RIPK1: variants seen among roughly 807,000 people sequenced by gnomAD.
RIPK1 encodes receptor interacting serine/threonine kinase 1.
RIPK1 carries 27 observed loss-of-function variants against 62.4 expected under a neutral mutation model. The ratio of observed to expected loss-of-function variants is 0.43; its 90% CI spans 0.32 to 0.60. RIPK1 has a LOEUF of 0.60. Ranked by LOEUF, RIPK1 falls within the 20% of genes least tolerant of loss-of-function variation. The probability of loss-of-function intolerance (pLI) is 0.07; values close to 1 mark genes in which losing one functional copy is unlikely to be tolerated. For synonymous variants in RIPK1, 287 were observed against 303.2 expected, an observed-to-expected ratio of 0.95 and a Z score of 0.55; for missense variants, 735 against 831.0, an observed-to-expected ratio of 0.88 and a Z score of 1.42.
At chr6:3,070,243 G>T (rs973361897) in intron 1 of RIPK1, among the ~76,000 whole-genome samples, 4 of 152,164 alleles carry the variant, frequency 2.6e-5, no homozygotes, top group Non-Finnish European at 5.9e-5. Context: ...CTCTTAAACA[G>T]CCTCTTTCAA....
chr6:3,099,482 T>G (rs1437902138), intron 7 of RIPK1, among the ~76,000 whole-genome samples: 1 of 152,210 alleles, frequency 6.6e-6, no homozygotes, highest in African/African-American at 2.4e-5. Context: ...AGGCGGAGCT[T>G]GCAGTGAGCC....
chr6:3,078,506 CTCTGCAATCT>C (rs1221411765), intron 3 of RIPK1, among the ~76,000 whole-genome samples: 1 of 152,194 alleles, frequency 6.6e-6, no homozygotes, highest in Non-Finnish European at 1.5e-5. Flanking sequence ...CTGTCCGCTG[CTCTGCAATCT>C]ACAGTTCAGA....
At chr6:3,082,999 T>G in intron 4 of RIPK1, 86 bp from the exon 5 acceptor site, 2 of 1,335,678 alleles carry the variant, frequency 1.5e-6, no homozygotes, top group South Asian at 2.5e-5. Flanking sequence ...ACCTTATGTA[T>G]AATGGATAAG....
chr6:3,076,694 A>AC, intron 1 of RIPK1, 70 bp from the exon 2 acceptor site: 4 of 224,562 alleles, frequency 1.8e-5, no homozygotes, highest in Admixed American at 1.6e-4. Flanking sequence ...GGAGAAAAAA[A>AC]AAAACATATA....
chr6:3,077,676 C>T (rs1440288884), intron 2 of RIPK1, 103 bp from the exon 3 acceptor site: 8 of 1,326,792 alleles, frequency 6.0e-6, no homozygotes, highest in African/African-American at 1.5e-5. Flanking sequence ...GGTACAGACC[C>T]AAGCATGACC....
rs970061602 is a variant in RIPK1, at chr6:3,072,777, G to A, written c.-60-3987G>A. Among the ~76,000 whole-genome samples, 2 of 152,232 alleles carry A rather than the reference G, an allele frequency of 1.3e-5. No homozygotes were observed. Among genetic ancestry groups the A allele is most frequent in the African/African-American group, 2.4e-5 (1 of 41,460 alleles). On this transcript the variant is annotated intron_variant, in intron 1 of 10. Coordinates refer to ENST00000259808, the MANE Select transcript of RIPK1 (RefSeq NM_001354930.2). This position sits in a 1 kb window ranked among gnomAD's most constrained non-coding sequence, Gnocchi z 5.6. The stretch of plus-strand genomic sequence containing the variant: ...CACCTAACCAGGCAAGAAGTTGGAA[G>A]AATATGGCCTAAGAGGGTGGGGCGG...
upstream of RIPK1, among the ~76,000 whole-genome samples, chr6:3,067,803 C>T (rs1169022356): frequency 2.0e-5 from 3 of 151,644 alleles, no homozygotes; most frequent in Non-Finnish European, 4.4e-5. Flanking sequence ...AGTGCAGTGG[C>T]GCGATCTCGG....
intron 1 of RIPK1, among the ~76,000 whole-genome samples, chr6:3,073,348 G>A (rs1159583061): frequency 2.6e-5 from 4 of 151,160 alleles, no homozygotes. Flanking sequence ...TACCACTTCT[G>A]TGAGGTGGTC....
chr6:3,099,272 C>T (rs762815692), intron 7 of RIPK1, among the ~76,000 whole-genome samples: 5 of 152,192 alleles, frequency 3.3e-5, no homozygotes, highest in African/African-American at 2.4e-5. Flanking sequence ...AGGCCGGGTG[C>T]GGTGGCTGAC....
At chr6:3,096,550 G>GTTTTTTT (rs112979664) in intron 7 of RIPK1, among the ~76,000 whole-genome samples, 3 of 98,450 alleles carry the variant, frequency 3.0e-5, no homozygotes, top group Non-Finnish European at 4.1e-5. Flanking sequence ...AATATCTCAA[G>GTTTTTTT]TTTTTTTTTT....
chr6:3,085,144 T>C (rs1671332058), intron 5 of RIPK1, 115 bp from the exon 6 acceptor site: 3 of 1,071,688 alleles, frequency 2.8e-6, no homozygotes, highest in African/African-American at 3.1e-5. Context: ...CATTCCACTC[T>C]ATGGAATGAG....
rs1474158553 is a variant in RIPK1, at chr6:3,077,951, C to CCGCA, written c.321+19_321+22dup. ...GAAAGCCGAGGTAGAGAGGGCCCCT[C>CCGCA]CGCACGGGGATCCCCAGCGCTTGGG... is the stretch of plus-strand genomic sequence containing the variant. On this transcript the variant is annotated intron_variant, in intron 3 of 10. Transcript: ENST00000259808. The CCGCA allele has an allele frequency of 2.5e-6, 4 of 1,612,600 alleles. No homozygotes were observed. The highest frequency in any genetic ancestry group is 3.4e-6 in the Non-Finnish European group (4 of 1,179,460).
At position 3,113,404 on chromosome 6, in the gene RIPK1, T is replaced by C. The variant is rs1473256018; in HGVS notation, c.*65T>C. The C allele has an allele frequency of 6.7e-7, 1 of 1,493,764 alleles. No individual in the cohort carries two copies. The highest frequency in any genetic ancestry group is 2.3e-5 in the East Asian group (1 of 43,132). The allele number at this position is 1,493,764 out of a possible 1,614,324, so 92.5% of individuals were successfully genotyped here. A position where few individuals can be genotyped will look rare whatever the true frequency, so the allele number is the denominator to read the frequency against. On this transcript the variant is annotated 3_prime_UTR_variant, in exon 11 of 11. Transcript: ENST00000259808. The surrounding 1 kb of genome is among the most constrained non-coding windows in gnomAD (Gnocchi z 5.0). ...TAGTGGATAACCCCAGAAAGTTGGCTGCCTCAGAGCATTCAGAATTCTGTC... is the reference window on the plus strand; with the variant it reads ...TAGTGGATAACCCCAGAAAGTTGGCCGCCTCAGAGCATTCAGAATTCTGTC...
intron 9 of RIPK1, among the ~76,000 whole-genome samples, chr6:3,107,805 G>A (rs561624237): frequency 3.9e-5 from 6 of 152,018 alleles, no homozygotes; most frequent in East Asian, 3.9e-4. Flanking sequence ...TTTTCACCTC[G>A]TTCTGGTTCC....
In RIPK1 at chr6:3,105,537, G is replaced by C. The variant is rs1471893513; in HGVS notation, c.1062G>C (p.Val354=). ...CCCAGGGACTTGGGATGGGTCCTGT[G>C]GAGGAGTCCTGGTTTGCTCCTTCCC... ...HSSQGLGMGP[V]EESWFAPSLE... The change falls in exon 9 of 11, where the codon GTG becomes GTC. Residue 354 remains valine (V), a synonymous_variant. Transcript: ENST00000259808. The surrounding 1 kb of genome is among the most constrained non-coding windows in gnomAD (Gnocchi z 4.5). 1.9e-6 allele frequency: 3 copies of C among 1,603,386 alleles called. No individual in the cohort carries two copies. Among genetic ancestry groups the C allele is most frequent in the Non-Finnish European group, 1.7e-6 (2 of 1,175,044 alleles).
intron 6 of RIPK1, among the ~76,000 whole-genome samples, chr6:3,088,324 G>A (rs931450599): frequency 6.6e-6 from 1 of 152,118 alleles, no homozygotes; most frequent in Non-Finnish European, 1.5e-5. Context: ...GAGTCCACAC[G>A]GTCCCCACTG....
Position 3,113,415 on chromosome 6 carries a change from A to C in RIPK1, c.*76A>C. 7.1e-7 allele frequency: 1 copy of C among 1,413,858 alleles called. No homozygotes were observed. Among genetic ancestry groups the C allele is most frequent in the East Asian group, 2.4e-5 (1 of 42,042 alleles). 87.6% of individuals were successfully genotyped at this position (1,413,858 alleles called of 1,614,324 possible). A position where few individuals can be genotyped will look rare whatever the true frequency, so the allele number is the denominator to read the frequency against. On this transcript the variant is annotated 3_prime_UTR_variant, in exon 11 of 11. Transcript: ENST00000259808. The surrounding 1 kb of genome is among the most constrained non-coding windows in gnomAD (Gnocchi z 5.0). ...CCCAGAAAGTTGGCTGCCTCAGAGCATTCAGAATTCTGTCCTCACTGATAG... is the reference window on the plus strand; with the variant it reads ...CCCAGAAAGTTGGCTGCCTCAGAGCCTTCAGAATTCTGTCCTCACTGATAG...
intron 6 of RIPK1, among the ~76,000 whole-genome samples, chr6:3,089,235 A>G (rs572626707): frequency 6.6e-6 from 1 of 152,312 alleles, no homozygotes; most frequent in African/African-American, 2.4e-5. Context: ...CATAAATTTG[A>G]TGCCAGAGGA....
intron 9 of RIPK1, among the ~76,000 whole-genome samples, chr6:3,109,038 G>C (rs1179182135): frequency 1.3e-5 from 2 of 152,094 alleles, no homozygotes; most frequent in East Asian, 3.9e-4. Context: ...GTGCTCTTTA[G>C]GGACAGTACC....
Sources: gnomAD v4.1 joint callset for allele counts (sites outside exome capture counted in the v4.1 genomes callset) on GRCh38, gnomAD v4.1.1 for gene constraint, Gnocchi (gnomAD v3.1) non-coding constraint, MANE v1.5 for transcripts, NCBI Gene and HGNC (gene_info 2026-07-23, HGNC 2026-07-21) for gene names.